Variants in ZFAT observed in about 807,000 individuals in gnomAD.
ZFAT encodes the protein zinc finger and AT-hook domain containing.
Under a neutral mutation model 117.7 loss-of-function variants are expected in ZFAT, and 64 were observed. The ratio of observed to expected loss-of-function variants is 0.54; its 90% CI spans 0.44 to 0.67. The LOEUF is 0.67. Ranked by LOEUF, ZFAT falls within the 30% of genes least tolerant of loss-of-function variation. The pLI is 0.00. For synonymous variants in ZFAT, 679 were observed against 615.0 expected, an observed-to-expected ratio of 1.10 and a Z score of -1.54; for missense variants, 1,433 against 1,584.5, an observed-to-expected ratio of 0.90 and a Z score of 1.62.
chr8:134,518,844 T>C (rs1353867974), intron 13 of ZFAT, among the ~76,000 whole-genome samples: 2 of 152,124 alleles, frequency 1.3e-5, no homozygotes, highest in Non-Finnish European at 2.9e-5. Flanking sequence ...GTAAACAGAT[T>C]CAATTTTATC....
At chr8:134,757,891 T>C in the ZFAT span, among the ~76,000 whole-genome samples, 1 of 152,136 alleles carries the variant, frequency 6.6e-6, no homozygotes, top group Admixed American at 6.6e-5. Context: ...CAGATCGGCA[T>C]TGTGGCTTTG....
the ZFAT span, among the ~76,000 whole-genome samples, chr8:134,781,359 G>A: frequency 6.6e-6 from 1 of 152,064 alleles, no homozygotes. Context: ...AGAAATCTAA[G>A]CTCAGTTGAG....
Position 134,563,401 on chromosome 8 carries a change from C to T in ZFAT, c.2976+1932G>A, listed in dbSNP as rs147668727. Among the ~76,000 whole-genome samples, 331 of 152,342 alleles carry T rather than the reference C, an allele frequency of 2.2e-3. 2 individuals are homozygous for T. Among genetic ancestry groups the T allele is most frequent in the South Asian group, 0.016 (79 of 4,826 alleles). On this transcript the variant is annotated intron_variant, in intron 11 of 15. Transcript: ENST00000377838. ...AGTCCATGTTTTAGCTTCTTCACTT[C>T]CTGGATATTGAAGGCGTACCAGCAG...
intron 15 of ZFAT, among the ~76,000 whole-genome samples, chr8:134,499,619 C>T (rs1167364398): frequency 5.1e-5 from 7 of 137,978 alleles, no homozygotes; most frequent in South Asian, 2.5e-4. Context: ...TTGGGAGGGT[C>T]GGGGTGGAGC....
chr8:134,534,430 A>C (rs188134934), intron 11 of ZFAT, among the ~76,000 whole-genome samples: 2 of 152,222 alleles, frequency 1.3e-5, no homozygotes, highest in Admixed American at 1.3e-4. Flanking sequence ...CTGAATGTGA[A>C]GTGCACCAAC....
At chr8:134,715,915 G>A (rs902376231), upstream of ZFAT, among the ~76,000 whole-genome samples, 8 of 152,082 alleles carry the variant, frequency 5.3e-5, no homozygotes, top group African/African-American at 1.9e-4. Context: ...AATTTCACAG[G>A]ATGCTTTCTT....
At chr8:134,697,665 T>G (rs1221044315) in intron 1 of ZFAT, among the ~76,000 whole-genome samples, 1 of 150,402 alleles carries the variant, frequency 6.6e-6, no homozygotes, top group Admixed American at 6.6e-5. Flanking sequence ...AGGCGGAGCT[T>G]GCAGTGAGCC....
the ZFAT span, among the ~76,000 whole-genome samples, chr8:134,774,798 C>T: frequency 1.3e-5 from 2 of 152,180 alleles, no homozygotes; most frequent in South Asian, 2.1e-4. Context: ...TAATCTGCTG[C>T]TAAACCCTTC....
intron 3 of ZFAT, among the ~76,000 whole-genome samples, chr8:134,630,539 C>T (rs1478510552): frequency 6.6e-6 from 1 of 152,140 alleles, no homozygotes; most frequent in Non-Finnish European, 1.5e-5. Context: ...TTGTCTTTGA[C>T]AGGAAGAATT....
At chr8:134,812,531 G>A in the ZFAT span, among the ~76,000 whole-genome samples, 1 of 152,194 alleles carries the variant, frequency 6.6e-6, no homozygotes, top group Non-Finnish European at 1.5e-5. Context: ...AGGAGTTCGA[G>A]ACCAGCCTGC....
chr8:134,726,492 G>A, the ZFAT span, among the ~76,000 whole-genome samples: 2 of 152,170 alleles, frequency 1.3e-5, no homozygotes, highest in East Asian at 1.9e-4. Flanking sequence ...CCAGTTGAAC[G>A]CCACCAATTT....
intron 15 of ZFAT, among the ~76,000 whole-genome samples, chr8:134,480,933 T>C (rs575948356): frequency 3.2e-4 from 48 of 152,216 alleles, no homozygotes; most frequent in African/African-American, 1.0e-3. Context: ...GAGAGAAAAA[T>C]GGAAAAGGTT....
At chr8:134,616,711 T>C (rs1480304471) in intron 3 of ZFAT, among the ~76,000 whole-genome samples, 1 of 152,190 alleles carries the variant, frequency 6.6e-6, no homozygotes, top group African/African-American at 2.4e-5. Context: ...CTGCATTCAG[T>C]CATGCCGTGA....
chr8:134,815,582 G>GT, the ZFAT span, among the ~76,000 whole-genome samples: 2 of 151,922 alleles, frequency 1.3e-5, no homozygotes, highest in Non-Finnish European at 2.9e-5. Flanking sequence ...ATTGTGGCTT[G>GT]TAAGACCCTA....
intron 2 of ZFAT, among the ~76,000 whole-genome samples, chr8:134,638,711 G>A (rs1001824587): frequency 2.0e-5 from 3 of 150,928 alleles, no homozygotes; most frequent in Non-Finnish European, 4.4e-5. Context: ...CTGGGCAACA[G>A]AGCGAGACTC....
the ZFAT span, among the ~76,000 whole-genome samples, chr8:134,772,106 T>G: frequency 7.9e-5 from 12 of 152,098 alleles, no homozygotes; most frequent in African/African-American, 2.9e-4. Flanking sequence ...ACCATATCAC[T>G]CCCTATTATA....
the ZFAT span, among the ~76,000 whole-genome samples, chr8:134,819,494 CCA>C: frequency 0.04 from 1,015 of 25,544 alleles, 33 homozygotes; most frequent in African/African-American, 0.11. Context: ...GCCGGATTTA[CCA>C]CCCCCCCCCC....
the ZFAT span, chr8:134,793,807 G>A: frequency 6.6e-6 from 1 of 152,132 alleles, no homozygotes; most frequent in Non-Finnish European, 1.5e-5. Flanking sequence ...TTAAGAGACA[G>A]GTGGCCCCAT....
chr8:134,507,958 A>G (rs1420904773), intron 15 of ZFAT, among the ~76,000 whole-genome samples: 1 of 152,208 alleles, frequency 6.6e-6, no homozygotes, highest in Non-Finnish European at 1.5e-5. Context: ...GACAATCTGA[A>G]GACTGCAATC....
Sources: gnomAD v4.1 joint callset for allele counts (sites outside exome capture counted in the v4.1 genomes callset) on GRCh38, gnomAD v4.1.1 for gene constraint, MANE v1.5 for transcripts, NCBI Gene and HGNC (gene_info 2026-07-23, HGNC 2026-07-21) for gene names.